The following RALYL variants were observed in gnomAD, a reference collection of about 807,000 sequenced individuals.
RALYL encodes RNA-binding Raly-like protein.
In RALYL, 29 loss-of-function variants were observed where a neutral mutation model predicts 35.1. That is an observed-to-expected ratio of 0.83 (90% CI 0.61 to 1.13). RALYL has a LOEUF of 1.13. Among genes scored for constraint, RALYL ranks in the 50% most tolerant of loss-of-function variants. The pLI, the probability that RALYL is intolerant of heterozygous loss-of-function variation, is 0.00. For missense variants in RALYL, 359 were observed against 360.4 expected, an observed-to-expected ratio of 1.00 and a Z score of 0.03; for synonymous variants, 120 against 127.6, an observed-to-expected ratio of 0.94 and a Z score of 0.40.
chr8:84,254,872 A>T (rs1830926662), intron 1 of RALYL, among the ~76,000 whole-genome samples: 1 of 152,052 alleles, frequency 6.6e-6, no homozygotes, highest in South Asian at 2.1e-4. Context: ...TGGCAGGAAG[A>T]ATGATGAATG....
intron 1 of RALYL, among the ~76,000 whole-genome samples, chr8:84,244,135 TG>T (rs1303182889): frequency 2.6e-5 from 4 of 152,242 alleles, no homozygotes; most frequent in South Asian, 2.1e-4. Context: ...CTTATTAATA[TG>T]ATTAATATGA....
chr8:84,223,789 A>C (rs1055884086), intron 1 of RALYL, among the ~76,000 whole-genome samples: 1 of 152,234 alleles, frequency 6.6e-6, no homozygotes, highest in Non-Finnish European at 1.5e-5. Context: ...AGTGATCAGT[A>C]AATATTTCTG....
intron 1 of RALYL, among the ~76,000 whole-genome samples, chr8:84,324,050 A>C (rs538079769): frequency 6.6e-6 from 1 of 152,026 alleles, no homozygotes; most frequent in East Asian, 1.9e-4. Context: ...TGCTGTACTA[A>C]ATTTTAAAGT....
chr8:84,575,506 T>A (rs992606671), intron 2 of RALYL, among the ~76,000 whole-genome samples: 1 of 152,208 alleles, frequency 6.6e-6, no homozygotes, highest in Non-Finnish European at 1.5e-5. Flanking sequence ...ATGGAAAGTG[T>A]TCTTCCTCAC....
At chr8:84,650,276 C>G (rs536986311) in intron 2 of RALYL, among the ~76,000 whole-genome samples, 2 of 152,020 alleles carry the variant, frequency 1.3e-5, no homozygotes, top group East Asian at 3.9e-4. Context: ...CCTTTATTTC[C>G]TTCTCCTGCC....
chr8:84,352,933 T>C (rs1445372575), intron 1 of RALYL, among the ~76,000 whole-genome samples: 1 of 150,126 alleles, frequency 6.7e-6, no homozygotes, highest in African/African-American at 2.5e-5. Flanking sequence ...AATACTGTAT[T>C]TGAATAATCT....
At chr8:84,683,699 G>C (rs894209049) in intron 2 of RALYL, among the ~76,000 whole-genome samples, 14 of 151,904 alleles carry the variant, frequency 9.2e-5, no homozygotes, top group Non-Finnish European at 1.9e-4. Flanking sequence ...TTTTGGTTTT[G>C]GTTTTGAAAC....
chr8:84,545,702 TA>T (rs1334430504), intron 2 of RALYL, among the ~76,000 whole-genome samples: 2 of 152,168 alleles, frequency 1.3e-5, no homozygotes, highest in African/African-American at 4.8e-5. Context: ...TTTCTCACAT[TA>T]TATCTTTTTT....
intron 8 of RALYL, among the ~76,000 whole-genome samples, chr8:84,898,964 G>T (rs757234975): frequency 6.6e-6 from 1 of 152,122 alleles, no homozygotes; most frequent in African/African-American, 2.4e-5. Flanking sequence ...TTGAGCCAGG[G>T]TGTTCTTTTT....
chr8:84,655,701 T>A (rs1003605043), intron 2 of RALYL, among the ~76,000 whole-genome samples: 1 of 152,282 alleles, frequency 6.6e-6, no homozygotes, highest in Middle Eastern at 3.4e-3. Context: ...CAAATGGATT[T>A]TTTGTTTCAA....
At chr8:84,871,060 C>G (rs1840103913) in intron 6 of RALYL, among the ~76,000 whole-genome samples, 1 of 152,110 alleles carries the variant, frequency 6.6e-6, no homozygotes, top group African/African-American at 2.4e-5. Flanking sequence ...TTTAACATTT[C>G]CTGGTAGGGT....
At chr8:84,450,151 A>G (rs762799068) in intron 1 of RALYL, among the ~76,000 whole-genome samples, 12 of 151,970 alleles carry the variant, frequency 7.9e-5, no homozygotes, top group Non-Finnish European at 1.5e-4. Flanking sequence ...AAAATGATAC[A>G]GCTTATGTTA....
At chr8:84,206,924 C>T (rs1320861554) in intron 1 of RALYL, among the ~76,000 whole-genome samples, 1 of 152,042 alleles carries the variant, frequency 6.6e-6, no homozygotes, top group Non-Finnish European at 1.5e-5. Context: ...GAAAAATGCT[C>T]AATGTTACAT....
intron 1 of RALYL, among the ~76,000 whole-genome samples, chr8:84,199,334 A>G (rs1339360917): frequency 1.3e-5 from 2 of 152,096 alleles, no homozygotes; most frequent in Non-Finnish European, 2.9e-5. Context: ...GTCCATTTTA[A>G]AAATCAGATT....
chr8:84,830,205 T>A (rs754597721), intron 4 of RALYL, among the ~76,000 whole-genome samples: 6 of 152,160 alleles, frequency 3.9e-5, no homozygotes, highest in Non-Finnish European at 8.8e-5. Context: ...TATGCATGTT[T>A]CTGAATGATC....
intron 2 of RALYL, among the ~76,000 whole-genome samples, chr8:84,705,635 A>G (rs576017623): frequency 6.6e-6 from 1 of 152,276 alleles, no homozygotes; most frequent in South Asian, 2.1e-4. Context: ...CTAATTTTTA[A>G]TTTATATAAA....
At chr8:84,612,139 A>G (rs185670682) in intron 2 of RALYL, among the ~76,000 whole-genome samples, 62 of 151,938 alleles carry the variant, frequency 4.1e-4, no homozygotes, top group African/African-American at 1.4e-3. Flanking sequence ...GAAGATTTAT[A>G]TTTTGGGATT....
At chr8:84,534,325 AG>A (rs1372046914) in intron 2 of RALYL, among the ~76,000 whole-genome samples, 1 of 152,236 alleles carries the variant, frequency 6.6e-6, no homozygotes, top group Non-Finnish European at 1.5e-5. Flanking sequence ...ATCATTCTTC[AG>A]ATCTCAAATG....
chr8:84,342,445 T>C (rs1849041125), intron 1 of RALYL, among the ~76,000 whole-genome samples: 2 of 150,518 alleles, frequency 1.3e-5, no homozygotes, highest in South Asian at 4.2e-4. Flanking sequence ...CAGAGGAATA[T>C]ATAATACACT....
Sources: gnomAD v4.1 joint callset for allele counts (sites outside exome capture counted in the v4.1 genomes callset) on GRCh38, gnomAD v4.1.1 for gene constraint, MANE v1.5 for transcripts, NCBI Gene and HGNC (gene_info 2026-07-23, HGNC 2026-07-21) for gene names.